NALF1: variants seen among roughly 807,000 people sequenced by gnomAD.
NALF1 encodes NALCN channel auxiliary factor 1.
A neutral mutation model predicts 48.4 loss-of-function variants in NALF1; 3 were observed. The observed-to-expected ratio is 0.06, with a 90% confidence interval of 0.03 to 0.16. The LOEUF (loss-of-function observed/expected upper bound fraction) is 0.16. Among genes scored for constraint, NALF1 ranks in the 10% least tolerant of loss-of-function variants. The pLI is 1.00. For synonymous variants in NALF1, 262 were observed against 245.7 expected (o/e 1.07, Z -0.62); for missense variants, 526 against 571.5 (o/e 0.92, Z 0.81).
At chr13:107,795,181 G>A (rs1226370965) in intron 1 of NALF1, among the ~76,000 whole-genome samples, 5 of 152,162 alleles carry the variant, frequency 3.3e-5, no homozygotes, top group African/African-American at 4.8e-5. Flanking sequence ...AACCATGCCT[G>A]TGTTTCTGGA....
intron 1 of NALF1, among the ~76,000 whole-genome samples, chr13:107,787,742 T>A (rs545822315): frequency 4.6e-5 from 7 of 152,010 alleles, no homozygotes; most frequent in African/African-American, 1.7e-4. Flanking sequence ...AACTAATACA[T>A]CTGTCTCATA....
intron 1 of NALF1, among the ~76,000 whole-genome samples, chr13:107,474,531 A>T (rs567716169): frequency 6.6e-6 from 1 of 152,350 alleles, no homozygotes; most frequent in African/African-American, 2.4e-5. Flanking sequence ...GAGAAATGTA[A>T]TAATGTCTTC....
At chr13:107,279,043 C>CTTTTTTTTTTTTTTTTTTTTTTT (rs200133690) in intron 1 of NALF1, among the ~76,000 whole-genome samples, 1 of 122,940 alleles carries the variant, frequency 8.1e-6, no homozygotes, top group Non-Finnish European at 1.6e-5. Context: ...TTCTTTTCTT[C>CTTTTTTTTTTTTTTTTTTTTTTT]TTTTTTTTTT....
intron 1 of NALF1, among the ~76,000 whole-genome samples, chr13:107,586,168 GA>G (rs1411653986): frequency 1.3e-5 from 2 of 152,102 alleles, no homozygotes; most frequent in Non-Finnish European, 2.9e-5. Context: ...GGCACCCTTG[GA>G]AAAGTGCTAT....
chr13:107,577,999 T>C (rs1878201668), intron 1 of NALF1, among the ~76,000 whole-genome samples: 1 of 152,168 alleles, frequency 6.6e-6, no homozygotes, highest in African/African-American at 2.4e-5. Flanking sequence ...ATTCCATTCA[T>C]CTAAAAGTAT....
chr13:107,740,076 G>A (rs2138543395), intron 1 of NALF1, among the ~76,000 whole-genome samples: 1 of 152,226 alleles, frequency 6.6e-6, no homozygotes, highest in South Asian at 2.1e-4. Context: ...GAATCATCCT[G>A]AAACCATCCC....
chr13:107,789,873 T>C (rs994235462), intron 1 of NALF1, among the ~76,000 whole-genome samples: 5 of 152,204 alleles, frequency 3.3e-5, no homozygotes, highest in African/African-American at 1.2e-4. Context: ...CCAACTATTA[T>C]GTCTTGAGTT....
At chr13:107,628,544 C>A (rs189992601) in intron 1 of NALF1, among the ~76,000 whole-genome samples, 1 of 152,148 alleles carries the variant, frequency 6.6e-6, no homozygotes, top group Admixed American at 6.6e-5. Context: ...CCCATTACTT[C>A]TCCTTTCGTG....
chr13:107,192,800 A>G, intron 2 of NALF1, among the ~76,000 whole-genome samples: 1 of 152,232 alleles, frequency 6.6e-6, no homozygotes, highest in Middle Eastern at 3.2e-3. Flanking sequence ...ACTTCTGGTG[A>G]GAATCCATGT....
At chr13:107,523,057 T>C (rs143046328) in intron 1 of NALF1, among the ~76,000 whole-genome samples, 135 of 152,284 alleles carry the variant, frequency 8.9e-4, no homozygotes, top group Non-Finnish European at 2.2e-4. Context: ...ATTGTTACTA[T>C]ATGAATGGAT....
At chr13:107,747,844 C>T (rs1421243398) in intron 1 of NALF1, among the ~76,000 whole-genome samples, 1 of 152,154 alleles carries the variant, frequency 6.6e-6, no homozygotes, top group African/African-American at 2.4e-5. Flanking sequence ...CATGCACATG[C>T]ACACGCACAA....
In NALF1 at chr13:107,322,642, TC is replaced by T. The variant is rs530391929; in HGVS notation, c.916-111888del. 4.4e-3 allele frequency among the ~76,000 whole-genome samples: 673 copies of T among 152,254 alleles called. 6 individuals are homozygous for T. Among genetic ancestry groups the T allele is most frequent in the African/African-American group, 0.015 (640 of 41,544 alleles). Reference sequence around the variant, plus strand: ...TCTTCCAGCAGCTTCCTGGATGTGCTCCTCTGGTCCTGGGAACCTCAGATTT... The same window carrying T: ...TCTTCCAGCAGCTTCCTGGATGTGCTCTCTGGTCCTGGGAACCTCAGATTT... On this transcript the variant is annotated intron_variant, in intron 1 of 2. Transcript: ENST00000375915.
chr13:107,754,271 G>T (rs1156338033), intron 1 of NALF1, among the ~76,000 whole-genome samples: 1 of 149,600 alleles, frequency 6.7e-6, no homozygotes, highest in East Asian at 1.9e-4. Context: ...CCTTTCATTT[G>T]ATTTGATTTT....
chr13:107,844,649 A>G (rs182548720), intron 1 of NALF1, among the ~76,000 whole-genome samples: 2 of 152,316 alleles, frequency 1.3e-5, no homozygotes, highest in Admixed American at 1.3e-4. Flanking sequence ...TTTGATTTGA[A>G]GAAATCCAAC....
intron 1 of NALF1, among the ~76,000 whole-genome samples, chr13:107,249,969 A>G (rs767425142): frequency 6.6e-6 from 1 of 152,064 alleles, no homozygotes; most frequent in Non-Finnish European, 1.5e-5. Context: ...GTATCACTTG[A>G]TGAGTTTTAA....
chr13:107,720,467 C>T (rs3936969), intron 1 of NALF1, among the ~76,000 whole-genome samples: 145,509 of 148,562 alleles, frequency 0.98, 71,337 homozygotes, highest in East Asian at 1. Flanking sequence ...ACCAAGACTG[C>T]GCCCCTGCAC....
intron 1 of NALF1, among the ~76,000 whole-genome samples, chr13:107,676,177 C>T (rs1214934887): frequency 1.3e-5 from 2 of 152,210 alleles, no homozygotes; most frequent in African/African-American, 2.4e-5. Context: ...TCAAATTAAA[C>T]AAATGCACAC....
chr13:107,543,237 AG>A (rs1276923140), intron 1 of NALF1, among the ~76,000 whole-genome samples: 11 of 152,106 alleles, frequency 7.2e-5, no homozygotes, highest in Admixed American at 5.2e-4. Context: ...AATATAAATT[AG>A]GGTATGTTTA....
chr13:107,331,475 A>G (rs1313605065), intron 1 of NALF1, among the ~76,000 whole-genome samples: 2 of 152,216 alleles, frequency 1.3e-5, no homozygotes, highest in African/African-American at 4.8e-5. Flanking sequence ...CTGGAGAAAC[A>G]GAGGTCCACA....
Sources: allele counts gnomAD v4.1 joint callset (sites outside exome capture counted in the v4.1 genomes callset), GRCh38; gene constraint gnomAD v4.1.1; transcripts MANE v1.5; gene names NCBI Gene and HGNC (gene_info 2026-07-23, HGNC 2026-07-21).